ZNF423: variants seen among roughly 807,000 people sequenced by gnomAD.
ZNF423 encodes Ebf-associated zinc finger protein.
Under a neutral mutation model 95.8 loss-of-function variants are expected in ZNF423, and 12 were observed. The observed-to-expected ratio is 0.13, with a 90% CI of 0.08 to 0.20. The LOEUF (loss-of-function observed/expected upper bound fraction) is 0.20, where lower values mean the gene tolerates loss of function less well. Among genes scored for constraint, ZNF423 ranks in the 10% least tolerant of loss-of-function variants. The probability of loss-of-function intolerance (pLI) is 1.00; values close to 1 mark genes in which losing one functional copy is unlikely to be tolerated. For synonymous variants in ZNF423, 749 were observed against 711.9 expected (o/e 1.05, Z -0.83); for missense variants, 1,316 against 1,737.1 (o/e 0.76, Z 4.31).
At chr16:49,800,412 G>GC (rs1432709086) in intron 1 of ZNF423, among the ~76,000 whole-genome samples, 1 of 152,086 alleles carries the variant, frequency 6.6e-6, no homozygotes, top group Non-Finnish European at 1.5e-5. Context: ...TGGAACACCT[G>GC]CCCCAGCTCC....
At chr16:49,590,463 G>A (rs573530274) in intron 5 of ZNF423, among the ~76,000 whole-genome samples, 3 of 152,202 alleles carry the variant, frequency 2.0e-5, no homozygotes, top group African/African-American at 7.2e-5. Context: ...CCACAGATAC[G>A]GGCATTCTTG....
chr16:49,742,425 T>A (rs956569208), intron 2 of ZNF423, among the ~76,000 whole-genome samples: 1 of 152,078 alleles, frequency 6.6e-6, no homozygotes, highest in Non-Finnish European at 1.5e-5. Context: ...TTCCAGCAAG[T>A]AGTTAATGGT....
intron 1 of ZNF423, among the ~76,000 whole-genome samples, chr16:49,851,980 T>G (rs2035306988): frequency 2.0e-5 from 3 of 152,206 alleles, no homozygotes; most frequent in Admixed American, 1.3e-4. Context: ...TTGCCCTTCC[T>G]ACAAGATCAT....
intron 2 of ZNF423, among the ~76,000 whole-genome samples, chr16:49,758,367 G>A (rs1349949320): frequency 6.6e-6 from 1 of 152,122 alleles, no homozygotes; most frequent in Non-Finnish European, 1.5e-5. Context: ...TGGAACTCCT[G>A]GACTCAAGTG....
chr16:49,630,746 C>A (rs985618848), intron 4 of ZNF423, among the ~76,000 whole-genome samples: 1 of 152,072 alleles, frequency 6.6e-6, no homozygotes, highest in African/African-American at 2.4e-5. Context: ...AAAATACATC[C>A]CCAGGGGCTT....
At chr16:49,846,022 G>A (rs986332887) in intron 1 of ZNF423, among the ~76,000 whole-genome samples, 2 of 152,154 alleles carry the variant, frequency 1.3e-5, no homozygotes, top group African/African-American at 4.8e-5. Flanking sequence ...AGAGGAGACT[G>A]CAGCTTCATG....
Position 49,855,588 on chromosome 16 carries a change from G to A in ZNF423, c.40+147C>T. ...CTCCCCCTCCTCCGCCTCCGCCTCC[G>A]CCTCCGCCTCCTCTGCCGCCTCCTC... On this transcript the variant is annotated intron_variant, in intron 1 of 7. Coordinates refer to ENST00000563137, the MANE Select transcript of ZNF423 (RefSeq NM_001379286.1). The surrounding 1 kb of genome is among the most constrained non-coding windows in gnomAD (Gnocchi z 4.7). The A allele has an allele frequency of 5.8e-6, 1 of 171,862 alleles. No individual in the cohort carries two copies. The highest frequency in any genetic ancestry group is 1.2e-5 in the Non-Finnish European group (1 of 83,686). 10.6% of individuals were successfully genotyped at this position (171,862 alleles called of 1,614,324 possible). A position where few individuals can be genotyped will look rare whatever the true frequency, so the allele number is the denominator to read the frequency against.
At chr16:49,557,242 A>G (rs1038773361) in intron 5 of ZNF423, among the ~76,000 whole-genome samples, 4 of 152,214 alleles carry the variant, frequency 2.6e-5, no homozygotes, top group African/African-American at 7.2e-5. Context: ...GCAGCTCCCC[A>G]GGGTGAGGCC....
At chr16:49,517,637 T>G (rs746593186) in intron 7 of ZNF423, 8 of 231,160 alleles carry the variant, frequency 3.5e-5, no homozygotes, top group Non-Finnish European at 6.8e-5. Flanking sequence ...TTTTGTTTTG[T>G]GAAATTGAAA....
At chr16:49,500,609 C>T (rs990787370) in intron 7 of ZNF423, among the ~76,000 whole-genome samples, 11 of 152,070 alleles carry the variant, frequency 7.2e-5, no homozygotes, top group South Asian at 2.1e-4. Context: ...GTGGAAGTGA[C>T]GAAACTCCAT....
chr16:49,690,506 A>T (rs1402626795), intron 3 of ZNF423, among the ~76,000 whole-genome samples: 1 of 152,230 alleles, frequency 6.6e-6, no homozygotes, highest in Non-Finnish European at 1.5e-5. Flanking sequence ...TGGACAACAG[A>T]CCAAAACTCT....
At chr16:49,714,240 G>A (rs1417377018) in intron 3 of ZNF423, among the ~76,000 whole-genome samples, 2 of 152,190 alleles carry the variant, frequency 1.3e-5, no homozygotes, top group Non-Finnish European at 2.9e-5. Flanking sequence ...ACGGTATGAC[G>A]AAGCACCCGG....
At chr16:49,560,793 G>A (rs923865834) in intron 5 of ZNF423, among the ~76,000 whole-genome samples, 3 of 152,242 alleles carry the variant, frequency 2.0e-5, no homozygotes, top group Non-Finnish European at 2.9e-5. Flanking sequence ...GGCCGAGTAC[G>A]CTGAAGACAA....
intron 2 of ZNF423, among the ~76,000 whole-genome samples, chr16:49,739,386 A>T (rs2033363855): frequency 6.6e-6 from 1 of 151,978 alleles, no homozygotes; most frequent in Non-Finnish European, 1.5e-5. Flanking sequence ...AGGACAAGGA[A>T]TGTCATGGCA....
intron 2 of ZNF423, among the ~76,000 whole-genome samples, chr16:49,731,855 A>G (rs1418199837): frequency 6.6e-6 from 1 of 152,200 alleles, no homozygotes; most frequent in East Asian, 1.9e-4. Flanking sequence ...GTACAGGCCT[A>G]GACAGTTAGA....
At chr16:49,815,587 AG>A (rs2034823715) in intron 1 of ZNF423, among the ~76,000 whole-genome samples, 2 of 152,090 alleles carry the variant, frequency 1.3e-5, no homozygotes, top group African/African-American at 4.8e-5. Flanking sequence ...AGACTCTGGC[AG>A]GGCAGCACTG....
At chr16:49,522,857 G>T (rs1273472974) in intron 7 of ZNF423, among the ~76,000 whole-genome samples, 1 of 152,156 alleles carries the variant, frequency 6.6e-6, no homozygotes, top group African/African-American at 2.4e-5. Flanking sequence ...TATTTCTGGT[G>T]GGCATGTGAT....
Position 49,636,010 on chromosome 16 carries a change from C to T in ZNF423, c.3166G>A (p.Gly1056Ser), listed in dbSNP as rs913627419. Residue 1056 changes from glycine to serine, a missense_variant, in exon 4 of 8, where the codon GGC (glycine) becomes AGC (serine). Gly to Ser is a moderately conservative substitution (Grantham distance 56, BLOSUM62 0). Transcript: ENST00000563137. This position sits in a 1 kb window ranked among gnomAD's most constrained non-coding sequence, Gnocchi z 8.6. ...HGTFHMQKLA[G>S]SSAASSPNGQ... is the part of the protein sequence containing the mutation. ...TTGGGGGAGGACGCCGCTGAGCTGC[C>T]CGCCAGCTTCTGCATGTGGAAGGTG... The T allele has an allele frequency of 6.2e-7, 1 of 1,606,860 alleles. No individual in the cohort carries two copies. Among genetic ancestry groups the T allele is most frequent in the Non-Finnish European group, 8.5e-7 (1 of 1,175,088 alleles).
chr16:49,635,575 G>A lies in ZNF423; in HGVS notation c.3516+85C>T, dbSNP rs754671255. The A allele has an allele frequency of 5.6e-4, 823 of 1,469,354 alleles. 2 individuals carry two copies. Among genetic ancestry groups the A allele is most frequent in the Non-Finnish European group, 3.3e-4 (369 of 1,107,108 alleles). The allele number at this position is 1,469,354 out of a possible 1,614,324, so 91.0% of individuals were successfully genotyped here. A position where few individuals can be genotyped will look rare whatever the true frequency, so the allele number is the denominator to read the frequency against. On this transcript the variant is annotated intron_variant, in intron 4 of 7. Coordinates refer to ENST00000563137, the MANE Select transcript of ZNF423 (RefSeq NM_001379286.1). The surrounding 1 kb of genome is among the most constrained non-coding windows in gnomAD (Gnocchi z 4.8). ...CGATAGCGCCGCTTCTTGGAAACAC[G>A]GCACTCAGGGTACGTGGCTCCTGTG...
Sources: gnomAD v4.1 joint callset for allele counts (sites outside exome capture counted in the v4.1 genomes callset) on GRCh38, gnomAD v4.1.1 for gene constraint, Gnocchi (gnomAD v3.1) non-coding constraint, MANE v1.5 for transcripts, NCBI Gene and HGNC (gene_info 2026-07-23, HGNC 2026-07-21) for gene names.